The following USP38 variants were observed in gnomAD, a reference collection of about 807,000 sequenced individuals.
USP38 encodes ubiquitin carboxyl-terminal hydrolase 38.
USP38 carries 49 observed loss-of-function variants against 94.3 expected under a neutral mutation model. The ratio of observed to expected loss-of-function variants is 0.52; its 90% CI spans 0.41 to 0.66. USP38 has a LOEUF of 0.66. Among genes scored for constraint, USP38 ranks in the 30% least tolerant of loss-of-function variants. USP38 has a pLI of 0.00. For missense variants in USP38, 1,128 were observed against 1,229.4 expected, an observed-to-expected ratio of 0.92 and a Z score of 1.23; for synonymous variants, 468 against 463.6, an observed-to-expected ratio of 1.01 and a Z score of -0.12.
At chr4:143,189,659 C>A (rs1379101174) in intron 2 of USP38, among the ~76,000 whole-genome samples, 1 of 151,944 alleles carries the variant, frequency 6.6e-6, no homozygotes, top group African/African-American at 2.4e-5. Context: ...TTATCTGTAA[C>A]TTTTACTTCC....
intron 5 of USP38, chr4:143,204,465 C>G: frequency 2.2e-6 from 1 of 447,644 alleles, no homozygotes; most frequent in Non-Finnish European, 4.5e-6. Flanking sequence ...TCACGGCTCA[C>G]TGCAGCCTCT....
intron 2 of USP38, among the ~76,000 whole-genome samples, chr4:143,194,488 T>C (rs575361971): frequency 2.0e-5 from 3 of 152,240 alleles, no homozygotes; most frequent in African/African-American, 4.8e-5. Flanking sequence ...GGTCAAATTA[T>C]ATGAACATTT....
intron 4 of USP38, among the ~76,000 whole-genome samples, chr4:143,198,499 G>C (rs1170450903): frequency 1.3e-5 from 2 of 152,152 alleles, no homozygotes; most frequent in Non-Finnish European, 2.9e-5. Context: ...CAGTGCCTTT[G>C]TGTGGTTACT....
At chr4:143,186,846 G>T (rs1384357432) in intron 1 of USP38, among the ~76,000 whole-genome samples, 3 of 152,156 alleles carry the variant, frequency 2.0e-5, no homozygotes, top group Non-Finnish European at 4.4e-5. Context: ...GACCTTTCAG[G>T]TCTGAATAGA....
At chr4:143,211,488 T>C (rs1732022694) in intron 7 of USP38, among the ~76,000 whole-genome samples, 1 of 152,168 alleles carries the variant, frequency 6.6e-6, no homozygotes, top group South Asian at 2.1e-4. Flanking sequence ...GGTTGAGATA[T>C]GAACCAAACA....
intron 4 of USP38, 23 bp from the exon 5 acceptor site, chr4:143,203,385 T>A: frequency 1.3e-6 from 2 of 1,597,836 alleles, no homozygotes; most frequent in Non-Finnish European, 1.7e-6. Context: ...AATTCAGCAT[T>A]GTTTATCCTT....
chr4:143,214,544 G>A lies in USP38; in HGVS notation c.2568G>A (p.Gly856=). The A allele has an allele frequency of 1.9e-6, 3 of 1,613,488 alleles. No individual in the cohort carries two copies. The highest frequency in any genetic ancestry group is 2.5e-6 in the Non-Finnish European group (3 of 1,179,776). The part of the protein sequence containing the change: ...VVHSGISSES[G]HYYSYARNIT... ...ACTCTGGTATATCCTCTGAAAGTGG[G>A]CATTACTATTCTTATGCCAGGAATA... The change falls in exon 9 of 10, where the codon GGG becomes GGA. Residue 856 remains glycine (G), a synonymous_variant. Coordinates refer to ENST00000307017, the MANE Select transcript of USP38 (RefSeq NM_032557.6).
intron 6 of USP38, 45 bp from the exon 7 acceptor site, chr4:143,209,519 T>G: frequency 8.6e-7 from 1 of 1,165,704 alleles, no homozygotes; most frequent in Non-Finnish European, 1.2e-6. Context: ...AATAAATGCA[T>G]GTGTTTGTAC....
chr4:143,221,534 T>A lies in USP38; in HGVS notation c.*1078T>A, dbSNP rs578043278. ...GTTTTTTGTTTGTTTGTTTCAGTCA[T>A]ATGTTTGGCACTGTTGTTTCTATTT... On this transcript the variant is annotated 3_prime_UTR_variant, in exon 10 of 10. Coordinates refer to ENST00000307017, the MANE Select transcript of USP38 (RefSeq NM_032557.6). 5.6e-4 allele frequency: 85 copies of A among 152,662 alleles called. No homozygotes were observed. The highest frequency in any genetic ancestry group is 2.0e-3 in the African/African-American group (82 of 41,586). The allele number at this position is 152,662 out of a possible 1,614,324, so 9.5% of individuals were successfully genotyped here. A position where few individuals can be genotyped will look rare whatever the true frequency, so the allele number is the denominator to read the frequency against.
At position 143,220,355 on chromosome 4, in the gene USP38, C is replaced by T. The variant is rs1287459042; in HGVS notation, c.3028C>T (p.Arg1010Trp). 9.3e-6 allele frequency: 15 copies of T among 1,613,328 alleles called. No homozygotes were observed. Among genetic ancestry groups the T allele is most frequent in the East Asian group, 4.5e-5 (2 of 44,828 alleles). ...AGCTGCATCTGCTTCATGTTCATTTCGGCCCAATGGATTTGATGACAACGA... is the reference window on the plus strand; with the variant it reads ...AGCTGCATCTGCTTCATGTTCATTTTGGCCCAATGGATTTGATGACAACGA... The part of the protein sequence containing the change: ...LQAASASCSF[R>W]PNGFDDNDPP... The change falls in exon 10 of 10, where the codon CGG becomes TGG. Residue 1010 changes from arginine (R) to tryptophan (W), a missense_variant. Physicochemically the swap from Arg to Trp is moderately radical, Grantham distance 101. Coordinates refer to ENST00000307017, the MANE Select transcript of USP38 (RefSeq NM_032557.6).
At chr4:143,200,954 A>G (rs933155773) in intron 4 of USP38, among the ~76,000 whole-genome samples, 11 of 152,206 alleles carry the variant, frequency 7.2e-5, no homozygotes, top group African/African-American at 2.4e-4. Context: ...GTACTGCCCA[A>G]AGCAATTTAC....
In USP38 at chr4:143,187,908, C is replaced by T; in HGVS notation, c.765C>T (p.Ser255=). The change falls in exon 2 of 10, where the codon AGC becomes AGT. Residue 255 remains serine, a synonymous_variant. Coordinates refer to ENST00000307017, the MANE Select transcript of USP38 (RefSeq NM_032557.6). The part of the protein sequence containing the change: ...PLQMITVLIR[S]LTTDPNVKDA... ...AGATGATTACAGTTCTCATCAGGAG[C>T]CTTACTACGGATCCAAATGTAAAAG... 6.2e-7 allele frequency: 1 copy of T among 1,613,756 alleles called. No homozygotes were observed.
intron 2 of USP38, among the ~76,000 whole-genome samples, chr4:143,193,270 C>T (rs72719200): frequency 0.013 from 1,934 of 151,044 alleles, 28 homozygotes; most frequent in South Asian, 0.019. Context: ...ATTTTAGATT[C>T]CTCATGGATA....
At position 143,213,719 on chromosome 4, in the gene USP38, T is replaced by G; in HGVS notation, c.1743T>G (p.Gly581=). The G allele has an allele frequency of 6.2e-7, 1 of 1,613,772 alleles. No homozygotes were observed. The highest frequency in any genetic ancestry group is 8.5e-7 in the Non-Finnish European group (1 of 1,179,812). The change falls in exon 9 of 10, where the codon GGT becomes GGG. Residue 581 remains glycine (G), a synonymous_variant. Coordinates refer to ENST00000307017, the MANE Select transcript of USP38 (RefSeq NM_032557.6). ...CAGAGACCCCTCGTACAAGTGACGG[T>G]GAGAAGACTTTAATAGAAAAAATGT... ...VLTETPRTSD[G]EKTLIEKMFG... is the part of the protein sequence containing the mutation.
At position 143,186,082 on chromosome 4, in the gene USP38, C is replaced by T. The variant is rs749495414; in HGVS notation, c.632C>T (p.Ala211Val). The change falls in exon 1 of 10, where the codon GCC becomes GTC. Residue 211 changes from alanine to valine, a missense_variant. By Grantham distance (64) the Ala-to-Val change is moderately conservative. Transcript: ENST00000307017. ...LLQNIWKAEPATLLPSLQEVF... is the reference protein window; with the variant it reads ...LLQNIWKAEPVTLLPSLQEVF... ...CAGAACATCTGGAAGGCCGAGCCTG[C>T]CACACTACTGCCTTCCCTGCAAGAA... The T allele has an allele frequency of 6.2e-7, 1 of 1,614,198 alleles. No homozygotes were observed. The highest frequency in any genetic ancestry group is 8.5e-7 in the Non-Finnish European group (1 of 1,180,034).
At chr4:143,211,645 A>G (rs867481678) in intron 7 of USP38, among the ~76,000 whole-genome samples, 8 of 152,304 alleles carry the variant, frequency 5.3e-5, no homozygotes, top group East Asian at 3.9e-4. Context: ...GAGAATTCCA[A>G]AGTTTCAACT....
intron 9 of USP38, 70 bp downstream of exon 9, chr4:143,215,013 A>G (rs1560674843): frequency 7.0e-7 from 1 of 1,420,278 alleles, no homozygotes; most frequent in South Asian, 1.3e-5. Context: ...GAGTACCCTC[A>G]TTTTGAAATC....
At chr4:143,187,790 T>A in intron 1 of USP38, 36 bp from the exon 2 acceptor site, 1 of 1,579,278 alleles carries the variant, frequency 6.3e-7, no homozygotes. Flanking sequence ...TGAACCTACT[T>A]GCCATGTTCC....
At chr4:143,195,957 T>G in intron 3 of USP38, 112 bp downstream of exon 3, 1 of 1,060,046 alleles carries the variant, frequency 9.4e-7, no homozygotes. Flanking sequence ...ATTGTTGTTT[T>G]GTTTTGAATA....
Sources: gnomAD v4.1 joint callset for allele counts (sites outside exome capture counted in the v4.1 genomes callset) on GRCh38, gnomAD v4.1.1 for gene constraint, MANE v1.5 for transcripts, NCBI Gene and HGNC (gene_info 2026-07-23, HGNC 2026-07-21) for gene names.